The following GMIP variants were observed in gnomAD, a reference collection of about 807,000 sequenced individuals.
The protein encoded by GMIP is GEM-interacting protein.
A neutral mutation model predicts 105.3 loss-of-function variants in GMIP; 54 were observed. The observed-to-expected ratio is 0.51, with a 90% CI of 0.41 to 0.64. The LOEUF (loss-of-function observed/expected upper bound fraction) is 0.64. Ranked by LOEUF, GMIP falls within the 30% of genes least tolerant of loss-of-function variation. The pLI is 0.00. For synonymous variants in GMIP, 541 were observed against 560.8 expected, an observed-to-expected ratio of 0.96 and a Z score of 0.50; for missense variants, 1,110 against 1,319.4, an observed-to-expected ratio of 0.84 and a Z score of 2.46.
Position 19,636,726 on chromosome 19 carries a change from G to C in GMIP, c.1308C>G (p.Asp436Glu), listed in dbSNP as rs1417528014. 4 of 1,613,382 alleles carry C rather than the reference G, an allele frequency of 2.5e-6. No individual in the cohort carries two copies. In the Admixed American group the frequency reaches 6.7e-5, roughly 27 times the overall value. Reference protein sequence around the residue: ...VGGGSESRSLDSPTSSPGAGT... With the variant: ...VGGGSESRSLESPTSSPGAGT... ...CCCTACCTGGGCTGGAAGTGGGTGAGTCCAGGGACCGAGACTCGCTGCCGC... is the reference window on the plus strand; with the variant it reads ...CCCTACCTGGGCTGGAAGTGGGTGACTCCAGGGACCGAGACTCGCTGCCGC... The change falls in exon 13 of 21, where the codon GAC (aspartate) becomes GAG (glutamate). Residue 436 changes from aspartate to glutamate, a missense_variant. Asp to Glu is a conservative substitution (Grantham distance 45, BLOSUM62 2). Around this residue, in one of 3 missense-constraint regions of GMIP, gnomAD observed 667 missense variants for 773.2 expected, o/e 0.86. Coordinates refer to ENST00000203556, the MANE Select transcript of GMIP (RefSeq NM_016573.4).
At chr19:19,633,698 A>C in intron 19 of GMIP, 105 bp downstream of exon 19, 1 of 800,174 alleles carries the variant, frequency 1.2e-6, no homozygotes, top group Non-Finnish European at 1.8e-6. Context: ...GAAGGGAGGA[A>C]GAGAATGAAG....
In GMIP at chr19:19,634,217, A is replaced by G; in HGVS notation, c.2085-27T>C. 6.4e-7 allele frequency: 1 copy of G among 1,557,146 alleles called. No individual in the cohort carries two copies. The highest frequency in any genetic ancestry group is 8.7e-7 in the Non-Finnish European group (1 of 1,151,586). ...TGGGGATGGTGTGAAGAGAAAGGTC[A>G]GGGTACAGGATGCAAGCTCATTGGT... On this transcript the variant is annotated intron_variant, in intron 18 of 20. Coordinates refer to ENST00000203556, the MANE Select transcript of GMIP (RefSeq NM_016573.4). This position sits in a 1 kb window ranked among gnomAD's most constrained non-coding sequence, Gnocchi z 6.1.
In GMIP at chr19:19,634,633, T is replaced by G; in HGVS notation, c.1958A>C (p.Asp653Ala). 1.2e-6 allele frequency: 2 copies of G among 1,612,970 alleles called. No homozygotes were observed. The highest frequency in any genetic ancestry group is 1.7e-6 in the Non-Finnish European group (2 of 1,179,694). ...FISLAKTLHA[D>A]PGDDPGTPSP... ...GGGGGTCCCAGGGTCGTCCCCAGGG[T>G]CTGCATGCAAGGTCTTAGCCAGAGA... Residue 653 changes from aspartate (D) to alanine (A), a missense_variant, in exon 18 of 21, where the codon GAC (aspartate) becomes GCC (alanine). Physicochemically the swap from Asp to Ala is moderately radical, Grantham distance 126. Coordinates refer to ENST00000203556, the MANE Select transcript of GMIP (RefSeq NM_016573.4). This position sits in a 1 kb window ranked among gnomAD's most constrained non-coding sequence, Gnocchi z 6.1.
chr19:19,643,436 G>A (rs998247000), intron 1 of GMIP, 75 bp downstream of exon 1: 48 of 1,330,638 alleles, frequency 3.6e-5, no homozygotes, highest in Non-Finnish European at 7.4e-6. Flanking sequence ...GGACGGAGCG[G>A]GACAAGTGTG....
intron 13 of GMIP, among the ~76,000 whole-genome samples, 155 bp downstream of exon 13, chr19:19,636,552 T>A (rs1249873775): frequency 6.6e-6 from 1 of 151,874 alleles, no homozygotes; most frequent in Admixed American, 6.6e-5. Context: ...AATAAATAAT[T>A]TTTAAAAAGG....
Position 19,640,276 on chromosome 19 carries a change from G to A in GMIP, c.429+20C>T. ...GTTCTAGGGGGCTTGGGCTCTCCGG[G>A]GGGGTCTGGTCATGACTACCTGCTG... On this transcript the variant is annotated intron_variant, in intron 6 of 20. Coordinates refer to ENST00000203556, the MANE Select transcript of GMIP (RefSeq NM_016573.4). 6.2e-7 allele frequency: 1 copy of A among 1,611,486 alleles called. No homozygotes were observed. Among genetic ancestry groups the A allele is most frequent in the South Asian group, 1.1e-5 (1 of 91,018 alleles).
rs748682494 is a variant in GMIP at position 19,637,886 on chromosome 19, G to A, written c.927+34C>T. The A allele has an allele frequency of 1.3e-6, 2 of 1,573,078 alleles. No individual in the cohort carries two copies. The highest frequency in any genetic ancestry group is 8.6e-7 in the Non-Finnish European group (1 of 1,158,898). ...GGCACTCAGTCGGGGCCCCAACGGG[G>A]TGAGGGGAGGATGGCCTTGGGGATG... On this transcript the variant is annotated intron_variant, in intron 10 of 20. Transcript: ENST00000203556. This position sits in a 1 kb window ranked among gnomAD's most constrained non-coding sequence, Gnocchi z 6.7.
In GMIP at chr19:19,640,440, C is replaced by A; in HGVS notation, c.364+6G>T. The A allele has an allele frequency of 6.2e-6, 10 of 1,614,094 alleles. No individual in the cohort carries two copies. Among genetic ancestry groups the A allele is most frequent in the Non-Finnish European group, 8.5e-6 (10 of 1,180,020 alleles). On this transcript the variant is annotated splice_donor_region_variant and intron_variant, in intron 5 of 20. Coordinates refer to ENST00000203556, the MANE Select transcript of GMIP (RefSeq NM_016573.4). Reference sequence around the variant, plus strand: ...GTAACTGGGGCTGGGCGGAAGAGGTCCTCACCATAGCTGGCTCTCTTTTCA... The same window carrying A: ...GTAACTGGGGCTGGGCGGAAGAGGTACTCACCATAGCTGGCTCTCTTTTCA...
At chr19:19,643,338 G>A in intron 1 of GMIP, 173 bp downstream of exon 1, 1 of 516,070 alleles carries the variant, frequency 1.9e-6, no homozygotes. Context: ...GTGAAGGGCT[G>A]GGGTCCTGAA....
In GMIP at chr19:19,635,740, T is replaced by C. The variant is rs369496932; in HGVS notation, c.1328-19A>G. 26 of 1,603,434 alleles carry C rather than the reference T, an allele frequency of 1.6e-5. No homozygotes were observed. In the African/African-American group the frequency reaches 2.9e-4, roughly 18 times the overall value. On this transcript the variant is annotated intron_variant, in intron 13 of 20. Transcript: ENST00000203556. The surrounding 1 kb of genome is among the most constrained non-coding windows in gnomAD (Gnocchi z 4.7). ...CCAGCGCCTGGGGTCAGAGGAATCA[T>C]GGGAGATTCCTGGGCTATGGGAGGC...
rs910223406 is a variant in GMIP, at chr19:19,643,609, G to A, written c.-80C>T. ...CGGCGGGGCCGAGCCCCGATTTCCT[G>A]CCGCCGCAGCCGCCGCCGCCGCCTC... On this transcript the variant is annotated 5_prime_UTR_variant, in exon 1 of 21. Coordinates refer to ENST00000203556, the MANE Select transcript of GMIP (RefSeq NM_016573.4). 4.9e-6 allele frequency: 6 copies of A among 1,225,602 alleles called. No homozygotes were observed. Among genetic ancestry groups the A allele is most frequent in the Non-Finnish European group, 6.8e-6 (6 of 883,466 alleles). 75.9% of individuals were successfully genotyped at this position (1,225,602 alleles called of 1,614,324 possible).
intron 19 of GMIP, among the ~76,000 whole-genome samples, chr19:19,632,059 G>C (rs908941969): frequency 1.3e-5 from 2 of 151,962 alleles, no homozygotes; most frequent in African/African-American, 4.8e-5. Flanking sequence ...GGGAGGCTGA[G>C]GAGGGCGGAT....
chr19:19,643,317 G>T, intron 1 of GMIP, 194 bp downstream of exon 1: 1 of 486,172 alleles, frequency 2.1e-6, no homozygotes, highest in Non-Finnish European at 3.8e-6. Context: ...GGATCAAAAG[G>T]GGGAGGGGGA....
At chr19:19,633,162 G>A (rs1163001140) in intron 19 of GMIP, among the ~76,000 whole-genome samples, 3 of 151,452 alleles carry the variant, frequency 2.0e-5, no homozygotes, top group Admixed American at 6.6e-5. Context: ...GGGCTCAAGC[G>A]ATTCTCCTGC....
intron 7 of GMIP, among the ~76,000 whole-genome samples, chr19:19,639,750 G>A (rs2061898431): frequency 6.6e-6 from 1 of 152,186 alleles, no homozygotes; most frequent in South Asian, 2.1e-4. Context: ...TCAGGAGGCT[G>A]AGGCAAGTGA....
In GMIP at chr19:19,640,145, A is replaced by T; in HGVS notation, c.477T>A (p.Asp159Glu). ...CCATGGCCAGGGTTCCCAGGCTGAG[A>T]TCGTGCTCCAGAAACAGGGTGTAGA... ...QYIYTLFLEH[D>E]LSLGTLAMET... Residue 159 changes from aspartate (D) to glutamate (E), a missense_variant, in exon 7 of 21, where the codon GAT becomes GAA. By Grantham distance (45) the Asp-to-Glu change is conservative. This residue lies in a region of GMIP where 667 missense variants were observed against 773.2 expected (regional missense o/e 0.86). Coordinates refer to ENST00000203556, the MANE Select transcript of GMIP (RefSeq NM_016573.4). 6.2e-7 allele frequency: 1 copy of T among 1,613,778 alleles called. No individual in the cohort carries two copies. Among genetic ancestry groups the T allele is most frequent in the Non-Finnish European group, 8.5e-7 (1 of 1,179,828 alleles).
At position 19,634,428 on chromosome 19, in the gene GMIP, CA is replaced by C. The variant is rs2144844707; in HGVS notation, c.2084+78del. ...CAGGTCAAAGGTCAGAGGTCAGTGT[CA>C]GGGGTCAGCCAGGGAAGTTAGTAGT... On this transcript the variant is annotated intron_variant, in intron 18 of 20. Coordinates refer to ENST00000203556, the MANE Select transcript of GMIP (RefSeq NM_016573.4). The surrounding 1 kb of genome is among the most constrained non-coding windows in gnomAD (Gnocchi z 6.1). 2.4e-6 allele frequency: 3 copies of C among 1,255,634 alleles called. No homozygotes were observed. In the South Asian group the frequency reaches 3.8e-5, roughly 16 times the overall value. The allele number at this position is 1,255,634 out of a possible 1,614,324, so 77.8% of individuals were successfully genotyped here.
Position 19,637,019 on chromosome 19 carries a change from C to G in GMIP, c.1135G>C (p.Asp379His). 6.4e-7 allele frequency: 1 copy of G among 1,566,062 alleles called. No homozygotes were observed. Among genetic ancestry groups the G allele is most frequent in the Non-Finnish European group, 8.7e-7 (1 of 1,152,954 alleles). ...GGCCCAGAGAGCTTCTTTCTGATGT[C>G]CAGAGGGGAGCTGAGAAGACAGAAG... Reference protein sequence around the residue: ...FLPSLNSSPLDIRKKLSGPLP... With the variant: ...FLPSLNSSPLHIRKKLSGPLP... Residue 379 changes from aspartate to histidine, a missense_variant, in exon 12 of 21, where the codon GAC becomes CAC. Transcript: ENST00000203556. This position sits in a 1 kb window ranked among gnomAD's most constrained non-coding sequence, Gnocchi z 6.7.
intron 1 of GMIP, 90 bp from the exon 2 acceptor site, chr19:19,642,709 G>A (rs2061935715): frequency 1.7e-6 from 1 of 583,638 alleles, no homozygotes; most frequent in East Asian, 2.9e-5. Flanking sequence ...GGGTGGAAGA[G>A]AAAGGGAAGA....
Sources: allele counts gnomAD v4.1 joint callset (sites outside exome capture counted in the v4.1 genomes callset), GRCh38; gene constraint gnomAD v4.1.1; regional missense constraint gnomAD v4.1.1; non-coding constraint Gnocchi (gnomAD v3.1); transcripts MANE v1.5; gene names NCBI Gene and HGNC (gene_info 2026-07-23, HGNC 2026-07-21).